The following KIF13B variants were observed in gnomAD, a reference collection of about 807,000 sequenced individuals.
KIF13B encodes the protein kinesin-like protein KIF13B.
A neutral mutation model predicts 222.0 loss-of-function variants in KIF13B; 127 were observed. The ratio of observed to expected loss-of-function variants is 0.57; its 90% CI spans 0.50 to 0.66. The LOEUF is 0.66. KIF13B is among the 30% of genes least tolerant of loss of function. KIF13B has a pLI of 0.00. For missense variants in KIF13B, 2,173 were observed against 2,379.0 expected (o/e 0.91, Z 1.80); for synonymous variants, 976 against 919.0 (o/e 1.06, Z -1.12).
At chr8:29,223,880 A>AC (rs1253647856) in intron 2 of KIF13B, among the ~76,000 whole-genome samples, 11 of 147,338 alleles carry the variant, frequency 7.5e-5, no homozygotes, top group Admixed American at 2.0e-4. Flanking sequence ...TTTAGTAGAG[A>AC]CGGGGTTTCA....
chr8:29,208,879 C>T (rs1814079335), intron 2 of KIF13B, among the ~76,000 whole-genome samples: 1 of 152,196 alleles, frequency 6.6e-6, no homozygotes, highest in Non-Finnish European at 1.5e-5. Flanking sequence ...AGAAAACCCT[C>T]GAAGGTTTCC....
At chr8:29,134,001 G>A (rs1563729229) in intron 22 of KIF13B, 39 bp downstream of exon 22, 17 of 1,575,074 alleles carry the variant, frequency 1.1e-5, no homozygotes, top group Non-Finnish European at 1.5e-5. Flanking sequence ...TTTCACATGA[G>A]TAATCTAAAT....
chr8:29,171,031 G>C (rs1812214980), intron 10 of KIF13B, among the ~76,000 whole-genome samples: 1 of 152,184 alleles, frequency 6.6e-6, no homozygotes, highest in Non-Finnish European at 1.5e-5. Flanking sequence ...CATGGAGAAA[G>C]GACTGGACTA....
At position 29,155,742 on chromosome 8, in the gene KIF13B, G is replaced by A; in HGVS notation, c.1519C>T (p.Pro507Ser). 1 of 1,605,690 alleles carries A rather than the reference G, an allele frequency of 6.2e-7. No homozygotes were observed. Among genetic ancestry groups the A allele is most frequent in the African/African-American group, 1.3e-5 (1 of 74,968 alleles). ...GTATGTTACCTGGTGTTCTTCTGAG[G>A]AGTCAGCATAACCTGGCCTTCTGAC... ...ITSEGQVMLT[P>S]QKNTRTFVNG... Residue 507 changes from proline to serine, a missense_variant, in exon 14 of 40, where the codon CCT becomes TCT. Physicochemically the swap from Pro to Ser is moderately conservative, Grantham distance 74 (BLOSUM62 -1). Transcript: ENST00000524189.
chr8:29,100,718 G>A (rs6651401), intron 35 of KIF13B, among the ~76,000 whole-genome samples: 155 of 152,326 alleles, frequency 1.0e-3, no homozygotes, highest in African/African-American at 3.7e-3. Flanking sequence ...CCAAAGTGCT[G>A]AGATTACAGG....
rs148774536 is a variant in KIF13B at position 29,151,338 on chromosome 8, A to G, written c.1536-955T>C. Among the ~76,000 whole-genome samples, 534 of 152,366 alleles carry G rather than the reference A, an allele frequency of 3.5e-3. 3 individuals carry two copies. Among genetic ancestry groups the G allele is most frequent in the African/African-American group, 0.012 (491 of 41,582 alleles). ...GTAACATAAAAGTGCAAGGTGAAGC[A>G]GCAAGTGCTGATGGAGAAGCTGCAG... is the stretch of plus-strand genomic sequence containing the variant. On this transcript the variant is annotated intron_variant, in intron 14 of 39. Coordinates refer to ENST00000524189, the MANE Select transcript of KIF13B (RefSeq NM_015254.4).
chr8:29,092,351 G>C (rs1373178981), intron 37 of KIF13B, among the ~76,000 whole-genome samples: 3 of 152,196 alleles, frequency 2.0e-5, no homozygotes, highest in Non-Finnish European at 2.9e-5. Flanking sequence ...CAGAGGTTGA[G>C]AGGGAAGGGC....
chr8:29,105,424 G>A (rs1586783743), intron 35 of KIF13B, among the ~76,000 whole-genome samples: 1 of 152,200 alleles, frequency 6.6e-6, no homozygotes, highest in Middle Eastern at 3.4e-3. Flanking sequence ...CCTTCAGGGG[G>A]AGGCTTAAGA....
At chr8:29,193,555 G>T (rs1431454377) in intron 3 of KIF13B, among the ~76,000 whole-genome samples, 2 of 152,174 alleles carry the variant, frequency 1.3e-5, no homozygotes, top group African/African-American at 4.8e-5. Context: ...AAACCATCCT[G>T]ATTCTTGTAA....
chr8:29,160,247 CTTTT>C (rs1227453722), intron 13 of KIF13B, among the ~76,000 whole-genome samples: 1 of 152,204 alleles, frequency 6.6e-6, no homozygotes, highest in Admixed American at 6.5e-5. Flanking sequence ...TACTCTCTCT[CTTTT>C]AATAGATTGA....
At chr8:29,127,382 A>G (rs1414171536) in intron 24 of KIF13B, 114 bp from the exon 25 acceptor site, 1 of 753,844 alleles carries the variant, frequency 1.3e-6, no homozygotes, top group Non-Finnish European at 2.1e-6. Context: ...AGACACTGTC[A>G]CTATACCTTA....
At chr8:29,205,631 C>G (rs553384657) in intron 2 of KIF13B, among the ~76,000 whole-genome samples, 1 of 152,132 alleles carries the variant, frequency 6.6e-6, no homozygotes, top group Non-Finnish European at 1.5e-5. Context: ...CTAATCCCAG[C>G]TAGGCTAAAC....
intron 35 of KIF13B, among the ~76,000 whole-genome samples, chr8:29,107,663 C>A (rs1264797933): frequency 1.3e-5 from 2 of 151,628 alleles, no homozygotes; most frequent in Non-Finnish European, 2.9e-5. Flanking sequence ...GGGGTTCACA[C>A]CATTCTCCTG....
Position 29,098,170 on chromosome 8 carries a change from C to CAAAAAAAAAAAAAAAAAAAAAAAAAAAAA in KIF13B, c.4324+962_4324+963insTTTTTTTTTTTTTTTTTTTTTTTTTTTTT, listed in dbSNP as rs147089450. ...TGGGCGACAGAGTCAGACTCCATCT[C>CAAAAAAAAAAAAAAAAAAAAAAAAAAAAA]AAAAAAAAAAAAAAAAAAAAGTAAG... On this transcript the variant is annotated intron_variant, in intron 36 of 39. Coordinates refer to ENST00000524189, the MANE Select transcript of KIF13B (RefSeq NM_015254.4). Among the ~76,000 whole-genome samples the CAAAAAAAAAAAAAAAAAAAAAAAAAAAAA allele has an allele frequency of 1.1e-3, 34 of 30,290 alleles. 1 individual carries two copies. The highest frequency in any genetic ancestry group is 1.3e-3 in the Non-Finnish European group (23 of 17,064). 19.9% of individuals were successfully genotyped at this position (30,290 alleles called of 152,430 possible). A position where few individuals can be genotyped will look rare whatever the true frequency, so the allele number is the denominator to read the frequency against.
rs1354926470 is a variant in KIF13B at position 29,140,697 on chromosome 8, T to C, written c.2335-80A>G. 5.7e-6 allele frequency: 7 copies of C among 1,238,866 alleles called. No homozygotes were observed. In the East Asian group the frequency reaches 1.2e-4, roughly 21 times the overall value. The allele number at this position is 1,238,866 out of a possible 1,614,324, so 76.7% of individuals were successfully genotyped here. A position where few individuals can be genotyped will look rare whatever the true frequency, so the allele number is the denominator to read the frequency against. Reference sequence around the variant, plus strand: ...TTCAACCTACTGCTTTTTGATGCACTCTAGGTTATTAAACTTAACTTTCAT... The same window carrying C: ...TTCAACCTACTGCTTTTTGATGCACCCTAGGTTATTAAACTTAACTTTCAT... On this transcript the variant is annotated intron_variant, in intron 19 of 39. Coordinates refer to ENST00000524189, the MANE Select transcript of KIF13B (RefSeq NM_015254.4).
At chr8:29,167,246 C>T in intron 11 of KIF13B, 127 bp downstream of exon 11, 1 of 658,830 alleles carries the variant, frequency 1.5e-6, no homozygotes, top group Non-Finnish European at 2.7e-6. Context: ...CCAAAGTTCT[C>T]TTGCTGTAAG....
Position 29,213,746 on chromosome 8 carries a change from C to T in KIF13B, c.150-17547G>A, listed in dbSNP as rs371890401. Among the ~76,000 whole-genome samples, 631 of 151,600 alleles carry T rather than the reference C, an allele frequency of 4.2e-3. 3 individuals carry two copies. Among genetic ancestry groups the T allele is most frequent in the African/African-American group, 0.014 (598 of 41,250 alleles). ...GGTGGATCACCTGAGGTCAGGAGTTCGAAACGAGCCTGGCCGACATGGTGA... is the reference window on the plus strand; with the variant it reads ...GGTGGATCACCTGAGGTCAGGAGTTTGAAACGAGCCTGGCCGACATGGTGA... On this transcript the variant is annotated intron_variant, in intron 2 of 39. Transcript: ENST00000524189.
chr8:29,196,295 A>T (rs2130381255), intron 2 of KIF13B, 96 bp from the exon 3 acceptor site: 1 of 954,734 alleles, frequency 1.0e-6, no homozygotes, highest in East Asian at 2.6e-5. Flanking sequence ...AGGGTAAAAT[A>T]ATAAACATTA....
intron 2 of KIF13B, among the ~76,000 whole-genome samples, chr8:29,210,996 A>G (rs1814196269): frequency 6.6e-6 from 1 of 152,220 alleles, no homozygotes; most frequent in South Asian, 2.1e-4. Context: ...TGGGGGCTAA[A>G]GAGCAGCCCC....
Sources: allele counts gnomAD v4.1 joint callset (sites outside exome capture counted in the v4.1 genomes callset), GRCh38; gene constraint gnomAD v4.1.1; transcripts MANE v1.5; gene names NCBI Gene and HGNC (gene_info 2026-07-23, HGNC 2026-07-21).